Variants in CUL4A observed in about 807,000 individuals in gnomAD.
CUL4A encodes cullin 4A.
In CUL4A, 16 loss-of-function variants were observed where a neutral mutation model predicts 95.5. The observed-to-expected ratio is 0.17, with a 90% CI of 0.11 to 0.25. The LOEUF is 0.25. CUL4A is among the 10% of genes least tolerant of loss of function. CUL4A has a pLI of 1.00. For missense variants in CUL4A, 610 were observed against 937.0 expected (o/e 0.65, Z 4.56); for synonymous variants, 380 against 353.1 (o/e 1.08, Z -0.85).
At chr13:113,256,869 T>G (rs2042132603) in intron 18 of CUL4A, among the ~76,000 whole-genome samples, 1 of 151,548 alleles carries the variant, frequency 6.6e-6, no homozygotes, top group South Asian at 2.1e-4. Context: ...CTCTTACTGA[T>G]TAGTAGGTTT....
At chr13:113,211,780 CTTT>C (rs979918829) in intron 2 of CUL4A, among the ~76,000 whole-genome samples, 2 of 152,220 alleles carry the variant, frequency 1.3e-5, no homozygotes, top group Admixed American at 1.3e-4. Flanking sequence ...CTGCTTACTT[CTTT>C]ATCTAGAAGT....
chr13:113,258,225 A>G (rs1432017858), intron 18 of CUL4A, among the ~76,000 whole-genome samples: 3 of 152,078 alleles, frequency 2.0e-5, no homozygotes, highest in African/African-American at 7.2e-5. Context: ...TCCTGGGCTC[A>G]AGCAGTCTTC....
chr13:113,231,487 G>A (rs372389964), intron 5 of CUL4A, among the ~76,000 whole-genome samples: 5 of 152,158 alleles, frequency 3.3e-5, no homozygotes, highest in African/African-American at 9.7e-5. Context: ...GCCCTGAAGG[G>A]TTTTTCAGCT....
rs532313391 is a variant in CUL4A, at chr13:113,214,386, C to T, written c.264+4298C>T. 4.6e-5 allele frequency among the ~76,000 whole-genome samples: 7 copies of T among 152,280 alleles called. No individual in the cohort carries two copies. In the South Asian group the frequency reaches 1.2e-3, roughly 27 times the overall value. ...TGTCTTGTGTCTCTATGTTTTAGTC[C>T]TGCTTGTTGCTAAATGAGACAACAG... On this transcript the variant is annotated intron_variant, in intron 2 of 19. Coordinates refer to ENST00000375440, the MANE Select transcript of CUL4A (RefSeq NM_001008895.4).
chr13:113,243,778 C>G (rs1340362264), intron 11 of CUL4A, among the ~76,000 whole-genome samples: 1 of 152,124 alleles, frequency 6.6e-6, no homozygotes, highest in Non-Finnish European at 1.5e-5. Flanking sequence ...AAAACAGCAA[C>G]AGAAGGAATT....
Position 113,232,252 on chromosome 13 carries a change from TGC to T in CUL4A, c.513-924_513-923del, listed in dbSNP as rs778025019. 2.7e-3 allele frequency among the ~76,000 whole-genome samples: 275 copies of T among 103,290 alleles called. 86 individuals are homozygous for T. The highest frequency in any genetic ancestry group is 3.7e-3 in the East Asian group (11 of 2,938). The allele number at this position is 103,290 out of a possible 152,430, so 67.8% of individuals were successfully genotyped here. A position where few individuals can be genotyped will look rare whatever the true frequency, so the allele number is the denominator to read the frequency against. On this transcript the variant is annotated intron_variant, in intron 5 of 19. Coordinates refer to ENST00000375440, the MANE Select transcript of CUL4A (RefSeq NM_001008895.4). ...ACTACCCGCCCACCACCATTACTGCTGCCACCACTACCCGCCCACCACTATTA... is the reference window on the plus strand; with the variant it reads ...ACTACCCGCCCACCACCATTACTGCTCACCACTACCCGCCCACCACTATTA...
At chr13:113,249,204 A>G (rs935637842) in intron 15 of CUL4A, among the ~76,000 whole-genome samples, 3 of 152,180 alleles carry the variant, frequency 2.0e-5, no homozygotes, top group Non-Finnish European at 2.9e-5. Flanking sequence ...TTCAAAGTCC[A>G]TCCGTGCTGC....
intron 2 of CUL4A, 119 bp from the exon 3 acceptor site, chr13:113,218,826 A>G: frequency 3.2e-6 from 2 of 618,410 alleles, no homozygotes; most frequent in Non-Finnish European, 5.7e-6. Context: ...TTCCTGAAGT[A>G]CTGGGGTAGG....
At position 113,263,686 on chromosome 13, in the gene CUL4A, A is replaced by G. The variant is rs2042347773; in HGVS notation, c.*104A>G. 1 of 660,184 alleles carries G rather than the reference A, an allele frequency of 1.5e-6. No individual in the cohort carries two copies. 40.9% of individuals were successfully genotyped at this position (660,184 alleles called of 1,614,324 possible). ...GACTCTGATTGATCCAGCTGTGGAC[A>G]TTGGAAGGCGAAGGAAGGGAGGTGG... On this transcript the variant is annotated 3_prime_UTR_variant, in exon 20 of 20. Coordinates refer to ENST00000375440, the MANE Select transcript of CUL4A (RefSeq NM_001008895.4).
At chr13:113,246,296 A>AT (rs1158280260) in intron 15 of CUL4A, among the ~76,000 whole-genome samples, 1 of 152,204 alleles carries the variant, frequency 6.6e-6, no homozygotes, top group Non-Finnish European at 1.5e-5. Context: ...CAGGGGGCCC[A>AT]TGAGCACAGG....
In CUL4A at chr13:113,231,962, ATAT is replaced by A. The variant is rs550968444; in HGVS notation, c.513-1209_513-1207del. Among the ~76,000 whole-genome samples the A allele has an allele frequency of 3.5e-3, 521 of 148,902 alleles. 2 individuals are homozygous for A. The highest frequency in any genetic ancestry group is 8.9e-3 in the Admixed American group (133 of 14,900). ...GGCTGCTGCCACCACTGCCACCATA[ATAT>A]TATTAATAATACTACCACCACCACC... On this transcript the variant is annotated intron_variant, in intron 5 of 19. Transcript: ENST00000375440.
At chr13:113,208,472 G>T, upstream of CUL4A, 1 of 1,532,782 alleles carries the variant, frequency 6.5e-7, no homozygotes, top group Non-Finnish European at 8.8e-7. Context: ...CTGCCCGCCG[G>T]GGACCCGAAC....
In CUL4A at chr13:113,232,158, C is replaced by T. The variant is rs1245507496; in HGVS notation, c.513-1019C>T. ...TACCCGCCCACCACCATTACTGCTG[C>T]CACCACTACCCGCCCACCACCATTA... On this transcript the variant is annotated intron_variant, in intron 5 of 19. Transcript: ENST00000375440. Among the ~76,000 whole-genome samples, 8 of 25,066 alleles carry T rather than the reference C, an allele frequency of 3.2e-4. 1 individual carries two copies. The highest frequency in any genetic ancestry group is 8.6e-4 in the East Asian group (1 of 1,164). The allele number at this position is 25,066 out of a possible 152,430, so 16.4% of individuals were successfully genotyped here.
intron 18 of CUL4A, among the ~76,000 whole-genome samples, chr13:113,255,817 G>A (rs554137913): frequency 1.3e-5 from 2 of 152,204 alleles, no homozygotes; most frequent in African/African-American, 2.4e-5. Context: ...AGGACATCTG[G>A]TTGTTTCCAA....
chr13:113,242,953 G>T lies in CUL4A; in HGVS notation c.1036-15G>T. ...GTAAACATGTTGCTGAGTTGGTATT[G>T]ATTTGCTTTTGTAGACTTTTGGAAC... is the stretch of plus-strand genomic sequence containing the variant. On this transcript the variant is annotated splice_polypyrimidine_tract_variant and intron_variant, in intron 10 of 19. Coordinates refer to ENST00000375440, the MANE Select transcript of CUL4A (RefSeq NM_001008895.4). The T allele has an allele frequency of 6.3e-7, 1 of 1,593,758 alleles. No individual in the cohort carries two copies. Among genetic ancestry groups the T allele is most frequent in the South Asian group, 1.1e-5 (1 of 89,914 alleles).
chr13:113,233,614 A>T (rs1386149338), intron 6 of CUL4A, among the ~76,000 whole-genome samples: 2 of 152,046 alleles, frequency 1.3e-5, no homozygotes, highest in Non-Finnish European at 2.9e-5. Context: ...ATAAACAGAG[A>T]CAAAGCCAGA....
intron 10 of CUL4A, among the ~76,000 whole-genome samples, chr13:113,241,978 C>T (rs558032458): frequency 9.0e-4 from 137 of 151,972 alleles, no homozygotes; most frequent in Non-Finnish European, 1.0e-3. Flanking sequence ...TATTAGTGCC[C>T]TACACAGACT....
chr13:113,218,606 G>A (rs1294405398), intron 2 of CUL4A, among the ~76,000 whole-genome samples: 1 of 152,218 alleles, frequency 6.6e-6, no homozygotes, highest in Admixed American at 6.5e-5. Flanking sequence ...AGGCCTGTGA[G>A]GATCAAACCT....
chr13:113,228,154 G>T (rs2041175451), intron 4 of CUL4A, 109 bp downstream of exon 4: 1 of 854,446 alleles, frequency 1.2e-6, no homozygotes, highest in African/African-American at 1.7e-5. Context: ...TCTGTGTTCA[G>T]TGCTGTGGTT....
Sources: allele counts gnomAD v4.1 joint callset (sites outside exome capture counted in the v4.1 genomes callset), GRCh38; gene constraint gnomAD v4.1.1; transcripts MANE v1.5; gene names NCBI Gene and HGNC (gene_info 2026-07-23, HGNC 2026-07-21).